CCSER1: variants seen among roughly 807,000 people sequenced by gnomAD.
The protein encoded by CCSER1 is coiled-coil serine rich protein 1.
In CCSER1, 41 loss-of-function variants were observed where a neutral mutation model predicts 82.0. The observed-to-expected ratio is 0.50, with a 90% confidence interval of 0.39 to 0.65. CCSER1 has a LOEUF of 0.65. CCSER1 is among the 30% of genes least tolerant of loss of function. The pLI, the probability that CCSER1 is intolerant of heterozygous loss-of-function variation, is 0.00. For missense variants in CCSER1, 1,119 were observed against 1,064.2 expected (o/e 1.05, Z -0.72); for synonymous variants, 414 against 383.9 (o/e 1.08, Z -0.92).
intron 10 of CCSER1, among the ~76,000 whole-genome samples, chr4:91,297,178 C>A (rs1744246066): frequency 6.6e-6 from 1 of 151,806 alleles, no homozygotes; most frequent in Non-Finnish European, 1.5e-5. Context: ...TGAGAAATTT[C>A]TTAGCATTTC....
intron 10 of CCSER1, among the ~76,000 whole-genome samples, chr4:91,253,889 C>T (rs1265411457): frequency 2.0e-5 from 3 of 151,966 alleles, no homozygotes; most frequent in Admixed American, 6.6e-5. Context: ...TTTAAAATAA[C>T]CAGATCTCAT....
intron 8 of CCSER1, among the ~76,000 whole-genome samples, chr4:90,825,358 C>T (rs544627540): frequency 2.4e-4 from 37 of 152,228 alleles, no homozygotes; most frequent in Admixed American, 1.6e-3. Flanking sequence ...ATACAATTTA[C>T]AAACTATCTT....
chr4:90,184,671 G>T (rs930991851), intron 1 of CCSER1, among the ~76,000 whole-genome samples: 6 of 152,082 alleles, frequency 3.9e-5, no homozygotes, highest in Admixed American at 3.3e-4. Context: ...ACTTAACCAG[G>T]TAAAGTGTTT....
intron 7 of CCSER1, among the ~76,000 whole-genome samples, chr4:90,776,126 A>C (rs1752860460): frequency 6.6e-6 from 1 of 152,162 alleles, no homozygotes; most frequent in Non-Finnish European, 1.5e-5. Flanking sequence ...TAATTCTTGG[A>C]TACAACAGTA....
chr4:90,563,733 G>C (rs879848498), intron 5 of CCSER1, among the ~76,000 whole-genome samples: 3 of 152,058 alleles, frequency 2.0e-5, no homozygotes, highest in Non-Finnish European at 4.4e-5. Flanking sequence ...TTTGATTACT[G>C]CTACAGTAAA....
intron 8 of CCSER1, among the ~76,000 whole-genome samples, chr4:90,872,563 A>G (rs930819326): frequency 6.6e-6 from 1 of 151,910 alleles, no homozygotes; most frequent in South Asian, 2.1e-4. Context: ...ATATCTTGCT[A>G]TACTGCCTAT....
At chr4:90,199,823 C>T (rs1737313982) in intron 1 of CCSER1, among the ~76,000 whole-genome samples, 1 of 151,876 alleles carries the variant, frequency 6.6e-6, no homozygotes, top group African/African-American at 2.4e-5. Flanking sequence ...GTCGATGTGC[C>T]CATCTCCTTA....
intron 10 of CCSER1, among the ~76,000 whole-genome samples, chr4:91,587,173 C>T (rs1764041031): frequency 6.6e-6 from 1 of 151,624 alleles, no homozygotes; most frequent in Non-Finnish European, 1.5e-5. Context: ...CATTTGGTAC[C>T]TATGTTAGTA....
At chr4:90,648,284 G>GGAAAGAAAGAAAGGAAAGAAA (rs1728004104) in intron 6 of CCSER1, among the ~76,000 whole-genome samples, 17 of 89,954 alleles carry the variant, frequency 1.9e-4, no homozygotes, top group African/African-American at 7.1e-4. Context: ...GAGAAAGAAA[G>GGAAAGAAAGAAAGGAAAGAAA]GAAAGAAAGA....
At chr4:90,435,850 A>G (rs532640548) in intron 4 of CCSER1, among the ~76,000 whole-genome samples, 9 of 151,658 alleles carry the variant, frequency 5.9e-5, no homozygotes, top group East Asian at 3.9e-4. Flanking sequence ...TTGTTGGTGA[A>G]TACTTCAAAA....
intron 10 of CCSER1, among the ~76,000 whole-genome samples, chr4:91,453,371 C>T (rs1755972745): frequency 2.0e-5 from 3 of 151,938 alleles, no homozygotes; most frequent in African/African-American, 4.8e-5. Flanking sequence ...TGAATTCTCC[C>T]GTCAGCCAGG....
At chr4:90,363,798 G>T (rs1361469385) in intron 3 of CCSER1, among the ~76,000 whole-genome samples, 1 of 151,964 alleles carries the variant, frequency 6.6e-6, no homozygotes, top group Non-Finnish European at 1.5e-5. Context: ...CATTATTAGA[G>T]CAGAGCCTTT....
chr4:90,188,032 C>A (rs1199133223), intron 1 of CCSER1, among the ~76,000 whole-genome samples: 1 of 151,838 alleles, frequency 6.6e-6, no homozygotes, highest in Non-Finnish European at 1.5e-5. Context: ...TTCATTGCCT[C>A]CTTTTAGATT....
At chr4:90,516,707 T>C (rs1293825768) in intron 5 of CCSER1, among the ~76,000 whole-genome samples, 4 of 152,038 alleles carry the variant, frequency 2.6e-5, no homozygotes, top group Non-Finnish European at 4.4e-5. Flanking sequence ...CGGGACGGAG[T>C]GTAGAGCGCA....
At chr4:90,245,871 C>T (rs955914492) in intron 1 of CCSER1, among the ~76,000 whole-genome samples, 2 of 151,944 alleles carry the variant, frequency 1.3e-5, no homozygotes, top group African/African-American at 4.8e-5. Flanking sequence ...TTTGCAACCA[C>T]AAGGAATCTA....
At chr4:90,258,781 T>C (rs925638592) in intron 1 of CCSER1, among the ~76,000 whole-genome samples, 1 of 152,180 alleles carries the variant, frequency 6.6e-6, no homozygotes. Flanking sequence ...TGGTGAATTA[T>C]GAGATTTTAA....
intron 3 of CCSER1, 41 bp downstream of exon 3, chr4:90,313,088 G>T: frequency 7.0e-7 from 1 of 1,434,796 alleles, no homozygotes; most frequent in Non-Finnish European, 9.7e-7. Flanking sequence ...AAATAATGCT[G>T]TCTATATCCG....
At position 90,515,733 on chromosome 4, in the gene CCSER1, A is replaced by G. The variant is rs1008382387; in HGVS notation, c.1724+47379A>G. 7.2e-5 allele frequency among the ~76,000 whole-genome samples: 11 copies of G among 152,170 alleles called. 1 individual carries two copies. Among genetic ancestry groups the G allele is most frequent in the African/African-American group, 2.7e-4 (11 of 41,442 alleles). The stretch of plus-strand genomic sequence containing the variant: ...ATTATCTTCCCCCACCCTTATATAA[A>G]TAGAGGAGAAAACTGAGACATAGAG... On this transcript the variant is annotated intron_variant, in intron 5 of 10. Transcript: ENST00000509176.
intron 10 of CCSER1, among the ~76,000 whole-genome samples, chr4:91,204,527 AG>A (rs1736186562): frequency 6.6e-6 from 1 of 151,932 alleles, no homozygotes; most frequent in South Asian, 2.1e-4. Flanking sequence ...AATTTCAGTT[AG>A]TATCTCAAAC....
Sources: allele counts gnomAD v4.1 joint callset (sites outside exome capture counted in the v4.1 genomes callset), GRCh38; gene constraint gnomAD v4.1.1; transcripts MANE v1.5; gene names NCBI Gene and HGNC (gene_info 2026-07-23, HGNC 2026-07-21).